Variants in MAF observed in about 807,000 individuals in gnomAD.
MAF encodes the protein MAF bZIP transcription factor, also known as transcription factor Maf.
MAF carries 10 observed loss-of-function variants against 22.0 expected under a neutral mutation model. The observed-to-expected ratio is 0.45, with a 90% CI of 0.28 to 0.77. The LOEUF is 0.77. Ranked by LOEUF, MAF falls within the 30% of genes least tolerant of loss-of-function variation. The pLI, the probability that MAF is intolerant of heterozygous loss-of-function variation, is 0.12. For synonymous variants in MAF, 337 were observed against 255.8 expected (o/e 1.32, Z -3.03); for missense variants, 544 against 548.4 (o/e 0.99, Z 0.08).
the MAF span, among the ~76,000 whole-genome samples, chr16:79,384,629 C>T: frequency 3.3e-5 from 5 of 151,592 alleles, no homozygotes; most frequent in Admixed American, 2.0e-4. Flanking sequence ...TGGTGGCGGG[C>T]GCCTGTAGTC....
At chr16:79,261,633 G>T in the MAF span, among the ~76,000 whole-genome samples, 1 of 152,194 alleles carries the variant, frequency 6.6e-6, no homozygotes, top group East Asian at 1.9e-4. Context: ...AGGAGGCCAG[G>T]GACACTGCAG....
the MAF span, among the ~76,000 whole-genome samples, chr16:79,406,451 G>A: frequency 5.3e-5 from 8 of 152,284 alleles, no homozygotes; most frequent in African/African-American, 1.9e-4. Context: ...AGTGTCTGGT[G>A]ACACTGAATT....
chr16:79,333,178 G>A, the MAF span, among the ~76,000 whole-genome samples: 10 of 152,220 alleles, frequency 6.6e-5, no homozygotes, highest in Non-Finnish European at 1.0e-4. Flanking sequence ...GCTCTGGACT[G>A]CGTTGTCTCT....
the MAF span, among the ~76,000 whole-genome samples, chr16:79,230,031 A>G: frequency 1.3e-5 from 2 of 152,240 alleles, no homozygotes; most frequent in South Asian, 2.1e-4. Context: ...ACTACACTGA[A>G]TCCTTCATTC....
chr16:79,536,914 G>A, the MAF span, among the ~76,000 whole-genome samples: 1 of 152,158 alleles, frequency 6.6e-6, no homozygotes, highest in Non-Finnish European at 1.5e-5. Context: ...TGGGAGGGGG[G>A]TCCAGGAACC....
the MAF span, among the ~76,000 whole-genome samples, chr16:79,510,754 A>G: frequency 2.0e-5 from 3 of 152,150 alleles, no homozygotes; most frequent in African/African-American, 7.2e-5. Flanking sequence ...ATAATTTTTG[A>G]ACAAGAAGCT....
At chr16:79,376,961 G>C in the MAF span, among the ~76,000 whole-genome samples, 1 of 152,196 alleles carries the variant, frequency 6.6e-6, no homozygotes. Context: ...CTTTGCTGTT[G>C]TGAATAGTGC....
chr16:79,401,789 G>A, the MAF span, among the ~76,000 whole-genome samples: 1 of 152,180 alleles, frequency 6.6e-6, no homozygotes, highest in Non-Finnish European at 1.5e-5. Flanking sequence ...CAGAGTCTAG[G>A]ACAAGAGCTG....
At chr16:79,252,604 C>T in the MAF span, among the ~76,000 whole-genome samples, 1 of 152,126 alleles carries the variant, frequency 6.6e-6, no homozygotes, top group African/African-American at 2.4e-5. Flanking sequence ...ATTCTCCTGC[C>T]TGAGCCACCA....
the MAF span, among the ~76,000 whole-genome samples, chr16:79,223,116 G>A: frequency 2.0e-5 from 3 of 152,094 alleles, no homozygotes; most frequent in African/African-American, 7.2e-5. Context: ...CACATAATTG[G>A]AAGTAAAACA....
the MAF span, among the ~76,000 whole-genome samples, chr16:79,296,159 A>T: frequency 6.6e-6 from 1 of 152,248 alleles, no homozygotes; most frequent in East Asian, 1.9e-4. Flanking sequence ...TCTTCCTCAT[A>T]GATCACTGTG....
chr16:79,390,511 C>A, the MAF span, among the ~76,000 whole-genome samples: 41 of 152,276 alleles, frequency 2.7e-4, 1 homozygote, highest in South Asian at 7.9e-3. Context: ...AAGCTTTAAG[C>A]TTTTAAAAAT....
chr16:79,238,097 C>T, the MAF span, among the ~76,000 whole-genome samples: 2 of 152,116 alleles, frequency 1.3e-5, no homozygotes, highest in African/African-American at 2.4e-5. Flanking sequence ...CTTTGACCTG[C>T]AGTCATCAGC....
At chr16:79,517,568 C>CTTTT in the MAF span, among the ~76,000 whole-genome samples, 1 of 99,780 alleles carries the variant, frequency 1.0e-5, no homozygotes, top group African/African-American at 3.8e-5. Context: ...ACTGTTTAGT[C>CTTTT]TTTTTTTTTT....
chr16:79,214,543 T>C, the MAF span, among the ~76,000 whole-genome samples: 3 of 151,798 alleles, frequency 2.0e-5, no homozygotes, highest in Non-Finnish European at 4.4e-5. Context: ...ATAGCTGGGA[T>C]TACAGGTACA....
downstream of MAF, among the ~76,000 whole-genome samples, chr16:79,590,817 C>G (rs771584877): frequency 6.6e-6 from 1 of 152,180 alleles, no homozygotes; most frequent in Non-Finnish European, 1.5e-5. Flanking sequence ...GCAGGCAGGT[C>G]CCTTCCTCTC....
chr16:79,422,383 G>T, the MAF span, among the ~76,000 whole-genome samples: 3 of 152,124 alleles, frequency 2.0e-5, no homozygotes, highest in Non-Finnish European at 4.4e-5. Flanking sequence ...GAAATTCAAA[G>T]AAAGCATTTC....
chr16:79,212,880 G>T, the MAF span: 1 of 151,406 alleles, frequency 6.6e-6, no homozygotes, highest in East Asian at 1.9e-4. Context: ...TGTCTCACGC[G>T]ATTAGCATGC....
the MAF span, among the ~76,000 whole-genome samples, chr16:79,431,548 C>G: frequency 2.0e-5 from 3 of 152,140 alleles, no homozygotes; most frequent in South Asian, 2.1e-4. Flanking sequence ...CTCTTTGGGT[C>G]TCAGTTTCTC....
Sources: allele counts gnomAD v4.1 joint callset (sites outside exome capture counted in the v4.1 genomes callset), GRCh38; gene constraint gnomAD v4.1.1; transcripts MANE v1.5; gene names NCBI Gene and HGNC (gene_info 2026-07-23, HGNC 2026-07-21).